Variants in HABP2 observed in about 807,000 individuals in gnomAD.
HABP2 encodes hyaluronan binding protein 2, also known as factor VII-activating protease.
Under a neutral mutation model 66.5 loss-of-function variants are expected in HABP2, and 65 were observed. That is an observed-to-expected ratio of 0.98 (90% CI 0.80 to 1.20). The LOEUF (loss-of-function observed/expected upper bound fraction) is 1.20. HABP2 is among the 50% of genes most tolerant of loss of function. HABP2 has a pLI of 0.00. For synonymous variants in HABP2, 263 were observed against 253.9 expected (o/e 1.04, Z -0.34); for missense variants, 786 against 691.0 (o/e 1.14, Z -1.54).
In HABP2 at chr10:113,553,197, G is replaced by T. The variant is rs757163412; in HGVS notation, c.69+7G>T. 1.2e-6 allele frequency: 2 copies of T among 1,601,322 alleles called. No homozygotes were observed. Among genetic ancestry groups the T allele is most frequent in the Admixed American group, 3.3e-5 (2 of 60,012 alleles). On this transcript the variant is annotated splice_region_variant and intron_variant, in intron 1 of 12. Coordinates refer to ENST00000351270, the MANE Select transcript of HABP2 (RefSeq NM_004132.5). ...GGGAAAGACAGCCTGTGGGGTAAGT[G>T]TTCTTTTCTAATATTTGTAGTTGAG...
intron 6 of HABP2, 68 bp from the exon 7 acceptor site, chr10:113,578,559 C>A (rs1845457310): frequency 2.7e-6 from 3 of 1,094,534 alleles, no homozygotes; most frequent in South Asian, 1.4e-5. Context: ...CACATACCCA[C>A]CAAGCCCTTT....
At chr10:113,561,229 C>T (rs866656260) in intron 1 of HABP2, among the ~76,000 whole-genome samples, 8 of 152,182 alleles carry the variant, frequency 5.3e-5, no homozygotes, top group Middle Eastern at 6.8e-3. Flanking sequence ...CTATTTTGTC[C>T]TATCTTTAAT....
chr10:113,568,658 A>T (rs1845245703), intron 2 of HABP2, among the ~76,000 whole-genome samples: 1 of 152,186 alleles, frequency 6.6e-6, no homozygotes, highest in Non-Finnish European at 1.5e-5. Flanking sequence ...GCTGATGAAC[A>T]CACCACCACC....
At chr10:113,562,617 G>A (rs1845120294) in intron 1 of HABP2, among the ~76,000 whole-genome samples, 1 of 152,084 alleles carries the variant, frequency 6.6e-6, no homozygotes, top group African/African-American at 2.4e-5. Context: ...GCTAATTTTT[G>A]TATTTTTAGT....
rs375963057 is a variant in HABP2, at chr10:113,567,406, G to A, written c.70-83G>A. Reference sequence around the variant, plus strand: ...CACGCAGTGCACCTGCACCCCATACGATCTCCTCTGGCTGACAGCTAAGGA... The same window carrying A: ...CACGCAGTGCACCTGCACCCCATACAATCTCCTCTGGCTGACAGCTAAGGA... On this transcript the variant is annotated intron_variant, in intron 1 of 12. Coordinates refer to ENST00000351270, the MANE Select transcript of HABP2 (RefSeq NM_004132.5). The A allele has an allele frequency of 1.4e-5, 15 of 1,045,454 alleles. 1 individual carries two copies. Among genetic ancestry groups the A allele is most frequent in the South Asian group, 5.2e-5 (4 of 77,206 alleles). The allele number at this position is 1,045,454 out of a possible 1,614,324, so 64.8% of individuals were successfully genotyped here. A position where few individuals can be genotyped will look rare whatever the true frequency, so the allele number is the denominator to read the frequency against.
At position 113,567,480 on chromosome 10, in the gene HABP2, G is replaced by C; in HGVS notation, c.70-9G>C. On this transcript the variant is annotated splice_polypyrimidine_tract_variant and intron_variant, in intron 1 of 12. Transcript: ENST00000351270. Reference sequence around the variant, plus strand: ...CAACGCTGATCTGCTGTGTTGTTTTGTTTTTCAGTTCTCCCTGATGTCTTT... The same window carrying C: ...CAACGCTGATCTGCTGTGTTGTTTTCTTTTTCAGTTCTCCCTGATGTCTTT... The C allele has an allele frequency of 6.2e-7, 1 of 1,610,976 alleles. No individual in the cohort carries two copies. The highest frequency in any genetic ancestry group is 1.3e-5 in the African/African-American group (1 of 75,004).
chr10:113,583,761 C>T (rs1267952403), intron 10 of HABP2, among the ~76,000 whole-genome samples: 1 of 152,154 alleles, frequency 6.6e-6, no homozygotes, highest in African/African-American at 2.4e-5. Context: ...GGCCCCTAGC[C>T]CCTGGCAGGT....
chr10:113,554,283 A>G (rs1844951861), intron 1 of HABP2, among the ~76,000 whole-genome samples: 1 of 152,200 alleles, frequency 6.6e-6, no homozygotes, highest in South Asian at 2.1e-4. Context: ...AGAGGATAAG[A>G]ACTAAAATAA....
intron 8 of HABP2, 33 bp downstream of exon 8, chr10:113,580,725 G>GT (rs1375157254): frequency 6.2e-6 from 7 of 1,126,708 alleles, no homozygotes; most frequent in Non-Finnish European, 9.5e-6. Flanking sequence ...AGCCCAGGGG[G>GT]TGGGGGGGAT....
chr10:113,585,221 A>G (rs983621267), intron 11 of HABP2, among the ~76,000 whole-genome samples: 9 of 152,202 alleles, frequency 5.9e-5, no homozygotes, highest in African/African-American at 1.7e-4. Context: ...TCTGCTCAAT[A>G]TGGTCTGGTC....
intron 8 of HABP2, 110 bp downstream of exon 8, chr10:113,580,802 C>A (rs1191566375): frequency 1.5e-6 from 1 of 645,582 alleles, no homozygotes; most frequent in East Asian, 2.7e-5. Context: ...TCCACACCTG[C>A]TTTACCAATT....
At chr10:113,577,333 A>G (rs1011570604) in intron 5 of HABP2, 67 bp downstream of exon 5, 2 of 841,418 alleles carry the variant, frequency 2.4e-6, no homozygotes, top group Admixed American at 1.8e-5. Context: ...ACCCTTCTGC[A>G]TGGAAGGCCA....
At chr10:113,583,643 AC>A (rs1176589738) in intron 10 of HABP2, among the ~76,000 whole-genome samples, 5 of 152,306 alleles carry the variant, frequency 3.3e-5, no homozygotes, top group East Asian at 3.9e-4. Context: ...TCACCAGGAG[AC>A]AGCTCACCTC....
intron 3 of HABP2, among the ~76,000 whole-genome samples, chr10:113,574,943 G>A (rs1385831892): frequency 1.3e-5 from 2 of 151,982 alleles, no homozygotes; most frequent in African/African-American, 2.4e-5. Flanking sequence ...GTGTGTATGT[G>A]TGCATATGTG....
Position 113,588,881 on chromosome 10 carries a change from G to A in HABP2, c.*512G>A, listed in dbSNP as rs1485355235. The A allele has an allele frequency of 1.1e-6, 1 of 871,930 alleles. No homozygotes were observed. Among genetic ancestry groups the A allele is most frequent in the African/African-American group, 1.7e-5 (1 of 60,162 alleles). The allele number at this position is 871,930 out of a possible 1,614,324, so 54.0% of individuals were successfully genotyped here. The stretch of plus-strand genomic sequence containing the variant: ...AGGAAGATCTGGGATGGGCTGGTGG[G>A]CCATTCCAGCTTGCCGAAATCAAAG... On this transcript the variant is annotated 3_prime_UTR_variant, in exon 13 of 13. Transcript: ENST00000351270.
rs75774043 is a variant in HABP2, at chr10:113,559,422, T to C, written c.69+6232T>C. On this transcript the variant is annotated intron_variant, in intron 1 of 12. Transcript: ENST00000351270. Reference sequence around the variant, plus strand: ...GGAATTGGGAAAGGGAATTCTTACTTTTATAATTGGGGAAACTGAGGCACA... The same window carrying C: ...GGAATTGGGAAAGGGAATTCTTACTCTTATAATTGGGGAAACTGAGGCACA... Among the ~76,000 whole-genome samples the C allele has an allele frequency of 5.1e-3, 781 of 152,328 alleles. 5 individuals are homozygous for C. Among genetic ancestry groups the C allele is most frequent in the African/African-American group, 0.018 (743 of 41,580 alleles).
rs769642130 is a variant in HABP2 at position 113,589,098 on chromosome 10, C to G, written c.*729C>G. The G allele has an allele frequency of 1.2e-6, 2 of 1,607,160 alleles. No homozygotes were observed. Among genetic ancestry groups the G allele is most frequent in the Non-Finnish European group, 8.5e-7 (1 of 1,174,452 alleles). ...CCCCCCGCTGCTGAAATCAAACATA[C>G]CCCAAGTTAAAATGAAGCTCCCCCA... On this transcript the variant is annotated 3_prime_UTR_variant, in exon 13 of 13. Coordinates refer to ENST00000351270, the MANE Select transcript of HABP2 (RefSeq NM_004132.5).
At chr10:113,561,975 T>C (rs1592683976) in intron 1 of HABP2, among the ~76,000 whole-genome samples, 1 of 152,142 alleles carries the variant, frequency 6.6e-6, no homozygotes, top group African/African-American at 2.4e-5. Context: ...CTAACCAACC[T>C]TAACCTGGGA....
intron 12 of HABP2, among the ~76,000 whole-genome samples, chr10:113,586,259 G>A (rs968327986): frequency 6.6e-6 from 1 of 152,210 alleles, no homozygotes; most frequent in African/African-American, 2.4e-5. Context: ...TAGCAATTGG[G>A]TGGCCAGTGG....
Sources: allele counts gnomAD v4.1 joint callset (sites outside exome capture counted in the v4.1 genomes callset), GRCh38; gene constraint gnomAD v4.1.1; transcripts MANE v1.5; gene names NCBI Gene and HGNC (gene_info 2026-07-23, HGNC 2026-07-21).